MYO9B: variants seen among roughly 807,000 people sequenced by gnomAD.
MYO9B encodes the protein myosin IXB.
MYO9B carries 71 observed loss-of-function variants against 229.5 expected under a neutral mutation model. The ratio of observed to expected loss-of-function variants is 0.31; its 90% CI spans 0.26 to 0.38. MYO9B has a LOEUF of 0.38. MYO9B is among the 10% of genes least tolerant of loss of function. MYO9B has a pLI of 1.00. For synonymous variants in MYO9B, 1,185 were observed against 1,235.8 expected (o/e 0.96, Z 0.86); for missense variants, 2,255 against 2,920.5 (o/e 0.77, Z 5.25).
At position 17,174,965 on chromosome 19, in the gene MYO9B, T is replaced by A. The variant is rs571026970; in HGVS notation, c.2141-698T>A. ...ATAAATAAATAAATAATAAATTAAT[T>A]AATTAATTAATTAAAAGATGGGTCA... On this transcript the variant is annotated intron_variant, in intron 13 of 39. Coordinates refer to ENST00000682292, the MANE Select transcript of MYO9B (RefSeq NM_004145.4). 2.5e-3 allele frequency among the ~76,000 whole-genome samples: 376 copies of A among 151,284 alleles called. 3 individuals are homozygous for A. Among genetic ancestry groups the A allele is most frequent in the African/African-American group, 7.8e-3 (323 of 41,298 alleles).
chr19:17,209,830 G>C (rs1400177607), intron 36 of MYO9B, 121 bp downstream of exon 36: 3 of 1,247,832 alleles, frequency 2.4e-6, no homozygotes, highest in Non-Finnish European at 3.3e-6. Flanking sequence ...GGTGGGCGGG[G>C]CCTTGGGTGG....
intron 1 of MYO9B, among the ~76,000 whole-genome samples, chr19:17,085,180 T>G (rs1424188758): frequency 6.6e-6 from 1 of 152,150 alleles, no homozygotes; most frequent in Non-Finnish European, 1.5e-5. Flanking sequence ...CAGCAAATCC[T>G]GAGACCATTG....
chr19:17,124,869 G>A (rs1410789867), intron 2 of MYO9B, among the ~76,000 whole-genome samples: 1 of 151,894 alleles, frequency 6.6e-6, no homozygotes, highest in Non-Finnish European at 1.5e-5. Context: ...TTAAAGTGAT[G>A]GTAGGAGGAC....
At chr19:17,130,614 C>A (rs993001122) in intron 2 of MYO9B, among the ~76,000 whole-genome samples, 7 of 148,528 alleles carry the variant, frequency 4.7e-5, no homozygotes, top group African/African-American at 1.7e-4. Flanking sequence ...AGCGAGACTC[C>A]GTCTCAAAAA....
At chr19:17,081,574 C>T (rs947927573) in intron 1 of MYO9B, among the ~76,000 whole-genome samples, 1 of 151,692 alleles carries the variant, frequency 6.6e-6, no homozygotes. Flanking sequence ...TTTGGGAGGC[C>T]GAGGTGGGAG....
At chr19:17,135,878 G>A (rs556004011) in intron 2 of MYO9B, among the ~76,000 whole-genome samples, 293 of 152,152 alleles carry the variant, frequency 1.9e-3, no homozygotes, top group Non-Finnish European at 3.4e-3. Context: ...GAGCACTGTG[G>A]CTCTTTAAGG....
At chr19:17,210,940 G>C in intron 38 of MYO9B, 92 bp downstream of exon 38, 1 of 1,318,960 alleles carries the variant, frequency 7.6e-7, no homozygotes, top group Non-Finnish European at 1.0e-6. Flanking sequence ...ACCTCGCCAG[G>C]TTTGGTCCTG....
intron 2 of MYO9B, among the ~76,000 whole-genome samples, chr19:17,113,312 G>A (rs530405704): frequency 1.8e-4 from 27 of 152,256 alleles, no homozygotes; most frequent in African/African-American, 6.0e-4. Flanking sequence ...GAGATTGGAA[G>A]GCCAGCGTGT....
At chr19:17,185,373 CAAA>C (rs200070053) in intron 17 of MYO9B, among the ~76,000 whole-genome samples, 4 of 107,516 alleles carry the variant, frequency 3.7e-5, no homozygotes, top group Non-Finnish European at 3.9e-5. Flanking sequence ...GACTCCATCT[CAAA>C]AAAAAAAAAA....
intron 2 of MYO9B, among the ~76,000 whole-genome samples, chr19:17,117,927 C>G (rs2057921446): frequency 1.6e-5 from 2 of 122,368 alleles, no homozygotes; most frequent in African/African-American, 3.0e-5. Context: ...GACAGAGCGA[C>G]ACTCTTCCTC....
At chr19:17,148,425 A>G (rs1000400978) in intron 3 of MYO9B, among the ~76,000 whole-genome samples, 1 of 152,168 alleles carries the variant, frequency 6.6e-6, no homozygotes, top group Non-Finnish European at 1.5e-5. Flanking sequence ...CCCAGAGGCC[A>G]GAAGTCGGAT....
intron 1 of MYO9B, among the ~76,000 whole-genome samples, chr19:17,091,383 G>A (rs183643770): frequency 2.1e-4 from 32 of 152,292 alleles, no homozygotes; most frequent in African/African-American, 5.8e-4. Context: ...GCACCACCAC[G>A]CCCAGCTAAT....
At chr19:17,197,911 A>C in intron 23 of MYO9B, 53 bp downstream of exon 23, 1 of 1,600,262 alleles carries the variant, frequency 6.2e-7, no homozygotes, top group Non-Finnish European at 8.5e-7. Flanking sequence ...AAAATCAGCC[A>C]GGCGTGGTGG....
chr19:17,135,362 C>T (rs34777901), intron 2 of MYO9B, among the ~76,000 whole-genome samples: 30,877 of 151,952 alleles, frequency 0.2, 3,720 homozygotes, highest in African/African-American at 0.33. Flanking sequence ...CCATGGCATC[C>T]GCCTTCCCGG....
intron 10 of MYO9B, among the ~76,000 whole-genome samples, chr19:17,163,485 G>A (rs576589683): frequency 6.1e-5 from 9 of 148,234 alleles, no homozygotes; most frequent in East Asian, 4.0e-4. Context: ...ATCCTTCCTC[G>A]GCCTCCCGAG....
intron 3 of MYO9B, among the ~76,000 whole-genome samples, chr19:17,150,425 C>G (rs1289415892): frequency 1.3e-5 from 2 of 151,094 alleles, no homozygotes; most frequent in African/African-American, 2.4e-5. Flanking sequence ...AAAAAAAAGA[C>G]TGCTATGCTG....
At chr19:17,190,981 C>T in intron 19 of MYO9B, 116 bp from the exon 20 acceptor site, 1 of 1,121,508 alleles carries the variant, frequency 8.9e-7, no homozygotes, top group South Asian at 1.6e-5. Flanking sequence ...TTAGATTTGT[C>T]ATTACCATTC....
chr19:17,188,575 T>C (rs1568293171), intron 19 of MYO9B, among the ~76,000 whole-genome samples: 1 of 152,208 alleles, frequency 6.6e-6, no homozygotes, highest in Non-Finnish European at 1.5e-5. Flanking sequence ...GAATGTAATG[T>C]GCCTCTTTTC....
chr19:17,208,018 AAAAAC>A (rs889277136), intron 35 of MYO9B: 3 of 149,866 alleles, frequency 2.0e-5, no homozygotes, highest in African/African-American at 7.4e-5. Context: ...CTCAAAAAAA[AAAAAC>A]AAAATACAAA....
Sources: allele counts gnomAD v4.1 joint callset (sites outside exome capture counted in the v4.1 genomes callset), GRCh38; gene constraint gnomAD v4.1.1; transcripts MANE v1.5; gene names NCBI Gene and HGNC (gene_info 2026-07-23, HGNC 2026-07-21).